MYRIP: variants seen among roughly 807,000 people sequenced by gnomAD.
MYRIP encodes the protein rab effector MyRIP.
Under a neutral mutation model 98.0 loss-of-function variants are expected in MYRIP, and 49 were observed. The observed-to-expected ratio is 0.50, with a 90% CI of 0.40 to 0.63. The LOEUF (loss-of-function observed/expected upper bound fraction) is 0.63. Among genes scored for constraint, MYRIP ranks in the 30% least tolerant of loss-of-function variants. The pLI, the probability that MYRIP is intolerant of heterozygous loss-of-function variation, is 0.00. For missense variants in MYRIP, 1,004 were observed against 1,058.2 expected, an observed-to-expected ratio of 0.95 and a Z score of 0.71; for synonymous variants, 404 against 409.5, an observed-to-expected ratio of 0.99 and a Z score of 0.16.
intron 2 of MYRIP, among the ~76,000 whole-genome samples, chr3:39,905,857 A>G (rs1326797879): frequency 1.3e-5 from 2 of 152,014 alleles, no homozygotes; most frequent in Non-Finnish European, 2.9e-5. Context: ...ATTATGAATT[A>G]ATTGTTTTTA....
intron 10 of MYRIP, among the ~76,000 whole-genome samples, chr3:40,204,110 T>G (rs1951703248): frequency 3.3e-5 from 1 of 30,060 alleles, no homozygotes; most frequent in African/African-American, 1.1e-4. Flanking sequence ...TATTATATAA[T>G]ATATAAATAT....
intron 1 of MYRIP, among the ~76,000 whole-genome samples, chr3:39,848,919 C>G (rs1250096962): frequency 6.6e-6 from 1 of 152,000 alleles, no homozygotes; most frequent in Non-Finnish European, 1.5e-5. Context: ...AAGAGCAGAC[C>G]TAGGAAAAAT....
chr3:39,837,141 T>C (rs1468104206), intron 1 of MYRIP, among the ~76,000 whole-genome samples: 2 of 152,010 alleles, frequency 1.3e-5, no homozygotes, highest in African/African-American at 4.8e-5. Context: ...GCCACCAACC[T>C]GAGTGAATCC....
intron 9 of MYRIP, among the ~76,000 whole-genome samples, chr3:40,188,426 C>T (rs905205174): frequency 1.3e-5 from 2 of 151,284 alleles, no homozygotes; most frequent in East Asian, 3.9e-4. Context: ...CTTCAAAGCC[C>T]TGGGGTCCTC....
At chr3:40,131,349 C>T (rs1949634536) in intron 3 of MYRIP, among the ~76,000 whole-genome samples, 1 of 152,188 alleles carries the variant, frequency 6.6e-6, no homozygotes, top group African/African-American at 2.4e-5. Context: ...CCCTCACTCA[C>T]GGATGCATTC....
At chr3:39,866,693 TAGAA>T (rs1205526999) in intron 1 of MYRIP, among the ~76,000 whole-genome samples, 1 of 152,176 alleles carries the variant, frequency 6.6e-6, no homozygotes, top group South Asian at 2.1e-4. Context: ...AACAAACACA[TAGAA>T]AGACTTCCTA....
intron 1 of MYRIP, among the ~76,000 whole-genome samples, chr3:39,864,847 C>A (rs1196413603): frequency 6.6e-6 from 1 of 152,096 alleles, no homozygotes; most frequent in Non-Finnish European, 1.5e-5. Flanking sequence ...ATAGCCAAGG[C>A]AATCCTAAGC....
chr3:40,212,131 TATATATATATACATATATATAC>T (rs1297008257), intron 11 of MYRIP, among the ~76,000 whole-genome samples: 52 of 1,806 alleles, frequency 0.029, 7 homozygotes, highest in East Asian at 0.14. Flanking sequence ...TATATACGTG[TATATATATATACATATATATAC>T]GTGTATATAT....
At chr3:39,934,956 G>A (rs1216916908) in intron 2 of MYRIP, among the ~76,000 whole-genome samples, 1 of 152,116 alleles carries the variant, frequency 6.6e-6, no homozygotes, top group Non-Finnish European at 1.5e-5. Context: ...TTCCTCCCAC[G>A]ACCTGGTGAC....
intron 1 of MYRIP, among the ~76,000 whole-genome samples, chr3:39,819,978 G>A (rs1256163572): frequency 6.6e-6 from 1 of 152,168 alleles, no homozygotes; most frequent in African/African-American, 2.4e-5. Context: ...ATTCCATTTT[G>A]TGGCTGTGAT....
At chr3:39,912,775 C>T (rs560042758) in intron 2 of MYRIP, among the ~76,000 whole-genome samples, 5 of 152,340 alleles carry the variant, frequency 3.3e-5, no homozygotes, top group South Asian at 4.1e-4. Flanking sequence ...CATAGTGGCT[C>T]ATGCCTGTAA....
At chr3:40,031,613 A>G (rs928145565) in intron 2 of MYRIP, among the ~76,000 whole-genome samples, 1 of 152,076 alleles carries the variant, frequency 6.6e-6, no homozygotes, top group Non-Finnish European at 1.5e-5. Context: ...CGGATCTACA[A>G]AAAAAGTTTC....
rs539599150 is a variant in MYRIP, at chr3:40,123,885, T to C, written c.333-27163T>C. ...TGGCCAGTTCCTCCCTATTTCAGAA[T>C]GCCACATTCCCAGCACATTTGACAG... On this transcript the variant is annotated intron_variant, in intron 3 of 16. Transcript: ENST00000302541. Among the ~76,000 whole-genome samples the C allele has an allele frequency of 2.4e-3, 360 of 152,288 alleles. 1 individual carries two copies. Among genetic ancestry groups the C allele is most frequent in the African/African-American group, 7.6e-3 (315 of 41,548 alleles).
intron 1 of MYRIP, among the ~76,000 whole-genome samples, chr3:39,837,488 CTTG>C (rs1559491571): frequency 6.6e-6 from 1 of 152,110 alleles, no homozygotes; most frequent in Non-Finnish European, 1.5e-5. Context: ...TTCCCCATTG[CTTG>C]TTTTTATCAG....
At chr3:40,052,378 G>A (rs1413303003) in intron 3 of MYRIP, among the ~76,000 whole-genome samples, 6 of 152,044 alleles carry the variant, frequency 3.9e-5, no homozygotes, top group Admixed American at 3.9e-4. Context: ...TTATTCCACA[G>A]TATGCTTTAG....
rs992212516 is a variant in MYRIP, at chr3:40,259,213, C to T, written c.*1047C>T. On this transcript the variant is annotated 3_prime_UTR_variant, in exon 17 of 17. Coordinates refer to ENST00000302541, the MANE Select transcript of MYRIP (RefSeq NM_015460.4). ...TGCATTTAATGGACACAAGAATTGA[C>T]TCTAACTCCATGTCTGTGGTTTCTT... is the stretch of plus-strand genomic sequence containing the variant. 1 of 152,194 alleles carries T rather than the reference C, an allele frequency of 6.6e-6. No homozygotes were observed. Among genetic ancestry groups the T allele is most frequent in the Non-Finnish European group, 1.5e-5 (1 of 68,026 alleles). The allele number at this position is 152,194 out of a possible 1,614,324, so 9.4% of individuals were successfully genotyped here. A position where few individuals can be genotyped will look rare whatever the true frequency, so the allele number is the denominator to read the frequency against.
At chr3:40,102,787 A>T (rs907354828) in intron 3 of MYRIP, among the ~76,000 whole-genome samples, 80 of 151,992 alleles carry the variant, frequency 5.3e-4, no homozygotes, top group African/African-American at 1.9e-3. Flanking sequence ...TCAGCAATGG[A>T]TTGCAAACTT....
At chr3:39,821,322 G>A (rs1324995695) in intron 1 of MYRIP, among the ~76,000 whole-genome samples, 3 of 128,650 alleles carry the variant, frequency 2.3e-5, no homozygotes, top group African/African-American at 9.0e-5. Flanking sequence ...GCCCACCCCC[G>A]ACCCCTGTAC....
At chr3:40,045,186 C>G (rs1947645282) in intron 3 of MYRIP, among the ~76,000 whole-genome samples, 1 of 152,120 alleles carries the variant, frequency 6.6e-6, no homozygotes, top group Non-Finnish European at 1.5e-5. Context: ...TCGCTTGTAT[C>G]CTTTAATGCA....
Sources: allele counts gnomAD v4.1 joint callset (sites outside exome capture counted in the v4.1 genomes callset), GRCh38; gene constraint gnomAD v4.1.1; transcripts MANE v1.5; gene names NCBI Gene and HGNC (gene_info 2026-07-23, HGNC 2026-07-21).